The following SMG9 variants were observed in gnomAD, a reference collection of about 807,000 sequenced individuals.
The protein encoded by SMG9 is SMG9 nonsense mediated mRNA decay factor.
In SMG9, 55 loss-of-function variants were observed where a neutral mutation model predicts 64.0. The ratio of observed to expected loss-of-function variants is 0.86; its 90% CI spans 0.69 to 1.08. The LOEUF is 1.08. SMG9 is among the 50% of genes least tolerant of loss of function. The probability of loss-of-function intolerance (pLI) is 0.00; values close to 1 mark genes in which losing one functional copy is unlikely to be tolerated. For missense variants in SMG9, 554 were observed against 681.3 expected (o/e 0.81, Z 2.08); for synonymous variants, 244 against 254.8 (o/e 0.96, Z 0.41).
chr19:43,733,101 C>A lies in SMG9; in HGVS notation c.1340-99G>T, dbSNP rs537809477. 34 of 1,444,896 alleles carry A rather than the reference C, an allele frequency of 2.4e-5. No homozygotes were observed. In the East Asian group the frequency reaches 7.2e-4, roughly 31 times the overall value. The allele number at this position is 1,444,896 out of a possible 1,614,324, so 89.5% of individuals were successfully genotyped here. A position where few individuals can be genotyped will look rare whatever the true frequency, so the allele number is the denominator to read the frequency against. ...CTTCAAGGAGCACCTGAGAGTTCAGCCCCGGCTGAGCTCTTCCTGTACTTC... is the reference window on the plus strand; with the variant it reads ...CTTCAAGGAGCACCTGAGAGTTCAGACCCGGCTGAGCTCTTCCTGTACTTC... On this transcript the variant is annotated intron_variant, in intron 12 of 13. Transcript: ENST00000270066.
intron 6 of SMG9, among the ~76,000 whole-genome samples, chr19:43,744,311 C>T (rs1046192982): frequency 6.6e-6 from 1 of 152,232 alleles, no homozygotes; most frequent in Non-Finnish European, 1.5e-5. Context: ...CAGATCGTAT[C>T]AGCTACCATT....
chr19:43,745,011 G>T, intron 5 of SMG9, 127 bp from the exon 6 acceptor site: 1 of 601,540 alleles, frequency 1.7e-6, no homozygotes. Flanking sequence ...AACTCCTATA[G>T]TCCCAACCCC....
intron 10 of SMG9, 67 bp from the exon 11 acceptor site, chr19:43,733,800 AC>A: frequency 8.9e-7 from 1 of 1,128,772 alleles, no homozygotes; most frequent in Non-Finnish European, 1.3e-6. Context: ...CCCCTTTCTC[AC>A]CCCAAAGACC....
At chr19:43,741,752 C>G (rs1413792309) in intron 6 of SMG9, among the ~76,000 whole-genome samples, 1 of 152,198 alleles carries the variant, frequency 6.6e-6, no homozygotes, top group Non-Finnish European at 1.5e-5. Context: ...TCCCAGCATG[C>G]TTTTTCTCAA....
Position 43,751,176 on chromosome 19 carries a change from G to A in SMG9, c.-6-429C>T, listed in dbSNP as rs142914099. 2.8e-4 allele frequency among the ~76,000 whole-genome samples: 43 copies of A among 151,310 alleles called. 1 individual carries two copies. In the East Asian group the frequency reaches 8.2e-3, roughly 29 times the overall value. On this transcript the variant is annotated intron_variant, in intron 1 of 13. Transcript: ENST00000270066. ...GAGACAGAGTTTCGCTCTTGTCACC[G>A]AGGCTGGAGTGCAATGGCGTAATCT...
chr19:43,737,576 T>G, intron 9 of SMG9, 21 bp downstream of exon 9: 2 of 1,607,198 alleles, frequency 1.2e-6, no homozygotes, highest in Non-Finnish European at 1.7e-6. Context: ...CTCCCCACCC[T>G]CCAACCCCTC....
At chr19:43,745,024 C>T in intron 5 of SMG9, 140 bp from the exon 6 acceptor site, 1 of 569,598 alleles carries the variant, frequency 1.8e-6, no homozygotes, top group Non-Finnish European at 3.2e-6. Context: ...CCAACCCCTT[C>T]AACTAGGCAT....
At position 43,731,348 on chromosome 19, in the gene SMG9, A is replaced by C; in HGVS notation, c.*248T>G. 1 of 1,303,952 alleles carries C rather than the reference A, an allele frequency of 7.7e-7. No individual in the cohort carries two copies. The highest frequency in any genetic ancestry group is 9.8e-7 in the Non-Finnish European group (1 of 1,022,998). The allele number at this position is 1,303,952 out of a possible 1,614,324, so 80.8% of individuals were successfully genotyped here. A position where few individuals can be genotyped will look rare whatever the true frequency, so the allele number is the denominator to read the frequency against. On this transcript the variant is annotated 3_prime_UTR_variant, in exon 14 of 14. Transcript: ENST00000270066. Reference sequence around the variant, plus strand: ...CTCCTCCCACTGCTTGTCCCTGTGGAGGACACAGGACGGGCTACCCCATCT... The same window carrying C: ...CTCCTCCCACTGCTTGTCCCTGTGGCGGACACAGGACGGGCTACCCCATCT...
At position 43,747,812 on chromosome 19, in the gene SMG9, C is replaced by G. The variant is rs771625636; in HGVS notation, c.311G>C (p.Arg104Pro). The change falls in exon 4 of 14, where the codon CGG (arginine) becomes CCG (proline). Residue 104 changes from arginine (R) to proline (P), a missense_variant. By Grantham distance (103) the Arg-to-Pro change is moderately radical (BLOSUM62 -2). Transcript: ENST00000270066. ...LEKPIVLMKP[R>P]EEGKGPVAVT... is the part of the protein sequence containing the mutation. ...GGCCACAGGCCCCTTCCCCTCCTCC[C>G]GTGGCTTCATGAGAACGATGGGCTT... 1.2e-6 allele frequency: 2 copies of G among 1,605,104 alleles called. No homozygotes were observed. The highest frequency in any genetic ancestry group is 1.7e-6 in the Non-Finnish European group (2 of 1,175,296).
chr19:43,738,671 A>G (rs1968751961), intron 7 of SMG9, among the ~76,000 whole-genome samples: 1 of 152,224 alleles, frequency 6.6e-6, no homozygotes, highest in Admixed American at 6.5e-5. Flanking sequence ...TTAAAGGAAC[A>G]TTCAATCAAA....
At chr19:43,741,316 AG>A (rs1423354624) in intron 6 of SMG9, among the ~76,000 whole-genome samples, 3 of 152,200 alleles carry the variant, frequency 2.0e-5, no homozygotes, top group African/African-American at 7.2e-5. Flanking sequence ...ATGGACGCAG[AG>A]GAAGGTTGCA....
chr19:43,731,296 G>A lies in SMG9; in HGVS notation c.*300C>T. On this transcript the variant is annotated 3_prime_UTR_variant, in exon 14 of 14. Transcript: ENST00000270066. ...CCCTGAAAAAGGAGGTCAAGATGGA[G>A]CCCGGGCTTCCTGGTGACCATTCAG... is the stretch of plus-strand genomic sequence containing the variant. 1 of 1,183,562 alleles carries A rather than the reference G, an allele frequency of 8.4e-7. No homozygotes were observed. The highest frequency in any genetic ancestry group is 1.1e-6 in the Non-Finnish European group (1 of 951,990). The allele number at this position is 1,183,562 out of a possible 1,614,324, so 73.3% of individuals were successfully genotyped here.
intron 5 of SMG9, among the ~76,000 whole-genome samples, chr19:43,747,199 G>C (rs1969040428): frequency 1.3e-5 from 2 of 151,396 alleles, no homozygotes; most frequent in Admixed American, 1.3e-4. Context: ...AGGGGTCCTG[G>C]GGTGGTAGTG....
chr19:43,736,178 T>A (rs1654546155), intron 9 of SMG9, among the ~76,000 whole-genome samples: 1 of 152,206 alleles, frequency 6.6e-6, no homozygotes, highest in Non-Finnish European at 1.5e-5. Flanking sequence ...CATCAACTGC[T>A]TACTATGTAA....
At chr19:43,743,080 AAAAG>A (rs1247966786) in intron 6 of SMG9, among the ~76,000 whole-genome samples, 7 of 152,012 alleles carry the variant, frequency 4.6e-5, no homozygotes, top group Admixed American at 1.3e-4. Context: ...CTCAAAAAAA[AAAAG>A]AGAGAGAGAG....
At chr19:43,744,691 C>G in intron 6 of SMG9, 81 bp downstream of exon 6, 1 of 1,018,700 alleles carries the variant, frequency 9.8e-7, no homozygotes, top group South Asian at 1.5e-5. Context: ...GGTAACACCA[C>G]TTGAAACACC....
chr19:43,737,336 C>T (rs942724342), intron 9 of SMG9, among the ~76,000 whole-genome samples: 2 of 152,140 alleles, frequency 1.3e-5, no homozygotes, highest in African/African-American at 2.4e-5. Flanking sequence ...GAGAAGTCAG[C>T]AAGGTGACCA....
At chr19:43,741,515 C>G (rs73561306) in intron 6 of SMG9, among the ~76,000 whole-genome samples, 4,391 of 152,252 alleles carry the variant, frequency 0.029, 210 homozygotes, top group African/African-American at 0.1. Context: ...GTGACAGGAT[C>G]AGACTGTGGT....
rs775445159 is a variant in SMG9, at chr19:43,752,902, T to TAAAAAAAAAAAAAAAAAAAAAA, written c.-7+1751_-7+1752insTTTTTTTTTTTTTTTTTTTTTT. 8.5e-4 allele frequency among the ~76,000 whole-genome samples: 82 copies of TAAAAAAAAAAAAAAAAAAAAAA among 96,242 alleles called. 4 individuals are homozygous for TAAAAAAAAAAAAAAAAAAAAAA. The highest frequency in any genetic ancestry group is 2.9e-3 in the African/African-American group (62 of 21,082). The allele number at this position is 96,242 out of a possible 152,430, so 63.1% of individuals were successfully genotyped here. On this transcript the variant is annotated intron_variant, in intron 1 of 13. Coordinates refer to ENST00000270066, the MANE Select transcript of SMG9 (RefSeq NM_019108.4). ...CTGGGTAACAAAGCAAGACCCTGTC[T>TAAAAAAAAAAAAAAAAAAAAAA]AAAAAAAAAAAAAAGCAGAACCCTG...
Sources: allele counts gnomAD v4.1 joint callset (sites outside exome capture counted in the v4.1 genomes callset), GRCh38; gene constraint gnomAD v4.1.1; transcripts MANE v1.5; gene names NCBI Gene and HGNC (gene_info 2026-07-23, HGNC 2026-07-21).